AGPAT3: variants seen among roughly 807,000 people sequenced by gnomAD.
AGPAT3 encodes the protein 1-acyl-sn-glycerol-3-phosphate acyltransferase gamma.
In AGPAT3, 5 loss-of-function variants were observed where a neutral mutation model predicts 47.3. The observed-to-expected ratio is 0.11, with a 90% CI of 0.06 to 0.22. The LOEUF is 0.22. Ranked by LOEUF, AGPAT3 falls within the 10% of genes least tolerant of loss-of-function variation. The pLI, the probability that AGPAT3 is intolerant of heterozygous loss-of-function variation, is 1.00. For missense variants in AGPAT3, 315 were observed against 493.0 expected (o/e 0.64, Z 3.42); for synonymous variants, 212 against 208.3 (o/e 1.02, Z -0.15).
At chr21:43,923,265 C>T (rs2086948975) in intron 2 of AGPAT3, among the ~76,000 whole-genome samples, 1 of 152,162 alleles carries the variant, frequency 6.6e-6, no homozygotes, top group East Asian at 1.9e-4. Context: ...CTCCATGTAC[C>T]TCCAGATTCA....
intron 1 of AGPAT3, among the ~76,000 whole-genome samples, chr21:43,870,219 C>T (rs560236164): frequency 7.9e-5 from 12 of 152,248 alleles, no homozygotes; most frequent in Admixed American, 2.6e-4. Flanking sequence ...TGCACTACAG[C>T]GATCAGGACA....
At chr21:43,888,332 A>G (rs1179922674) in intron 1 of AGPAT3, among the ~76,000 whole-genome samples, 6 of 152,256 alleles carry the variant, frequency 3.9e-5, no homozygotes, top group African/African-American at 1.4e-4. Flanking sequence ...GCATCACTGC[A>G]CCCAGCTTGG....
Position 43,959,617 on chromosome 21 carries a change from T to G in AGPAT3, c.-48-17T>G, listed in dbSNP as rs760307047. The G allele has an allele frequency of 2.5e-6, 4 of 1,601,142 alleles. No homozygotes were observed. Among genetic ancestry groups the G allele is most frequent in the Non-Finnish European group, 3.4e-6 (4 of 1,178,408 alleles). On this transcript the variant is annotated splice_polypyrimidine_tract_variant and intron_variant, in intron 2 of 9. Transcript: ENST00000291572. Reference sequence around the variant, plus strand: ...GGCGTGGCCACCCTGACGCTGTCCCTGTCCCTGTCTTTGCAGGACGGCTGT... The same window carrying G: ...GGCGTGGCCACCCTGACGCTGTCCCGGTCCCTGTCTTTGCAGGACGGCTGT...
In AGPAT3 at chr21:43,887,341, G is replaced by A. The variant is rs73906663; in HGVS notation, c.-111-16616G>A. On this transcript the variant is annotated intron_variant, in intron 1 of 9. Coordinates refer to ENST00000291572, the MANE Select transcript of AGPAT3 (RefSeq NM_020132.5). ...CAACCAAATGCAGCCTAGGAACCTG[G>A]ATTAGAGTCCAGGTTGAAACAGCAA... Among the ~76,000 whole-genome samples the A allele has an allele frequency of 4.2e-3, 641 of 152,338 alleles. 5 individuals carry two copies. The highest frequency in any genetic ancestry group is 0.015 in the African/African-American group (617 of 41,574).
At chr21:43,957,711 A>G (rs1375555481) in intron 2 of AGPAT3, among the ~76,000 whole-genome samples, 2 of 137,738 alleles carry the variant, frequency 1.5e-5, no homozygotes, top group Non-Finnish European at 3.1e-5. Context: ...TTCCCCCTCC[A>G]CACGGGGGTC....
intron 7 of AGPAT3, among the ~76,000 whole-genome samples, chr21:43,974,669 G>T (rs116634969): frequency 0.015 from 2,270 of 151,920 alleles, 57 homozygotes; most frequent in African/African-American, 0.047. Context: ...AAATGTGTGT[G>T]TGGTGTGTGT....
intron 2 of AGPAT3, among the ~76,000 whole-genome samples, chr21:43,911,413 G>T (rs2086630522): frequency 6.6e-6 from 1 of 152,252 alleles, no homozygotes; most frequent in Non-Finnish European, 1.5e-5. Context: ...GAGGGGCTGG[G>T]CAGGGTCAGA....
chr21:43,935,398 C>T (rs2146314358), intron 2 of AGPAT3, among the ~76,000 whole-genome samples: 1 of 152,338 alleles, frequency 6.6e-6, no homozygotes, highest in Non-Finnish European at 1.5e-5. Flanking sequence ...TGGGAGTGCC[C>T]CCAGGCGCCT....
intron 4 of AGPAT3, 21 bp downstream of exon 4, chr21:43,968,136 G>A: frequency 1.2e-6 from 2 of 1,610,840 alleles, no homozygotes; most frequent in Non-Finnish European, 1.7e-6. Context: ...ACCTGGGGAG[G>A]GCCACGGGTG....
At position 43,984,959 on chromosome 21, in the gene AGPAT3, G is replaced by T. The variant is rs2030107572; in HGVS notation, c.*2567G>T. 2.7e-6 allele frequency: 1 copy of T among 376,266 alleles called. No individual in the cohort carries two copies. The highest frequency in any genetic ancestry group is 5.3e-6 in the Non-Finnish European group (1 of 188,948). 23.3% of individuals were successfully genotyped at this position (376,266 alleles called of 1,614,324 possible). On this transcript the variant is annotated 3_prime_UTR_variant, in exon 10 of 10. Transcript: ENST00000291572. ...AGGCCTGGCATCGCTGATGCCCTCTGCACCCAGTCCTTGAGCCAGGCCGAG... is the reference window on the plus strand; with the variant it reads ...AGGCCTGGCATCGCTGATGCCCTCTTCACCCAGTCCTTGAGCCAGGCCGAG...
rs2089866138 is a variant in AGPAT3, at chr21:43,981,894, ACTTGAGGC to A, written c.1043-408_1043-401del. Among the ~76,000 whole-genome samples the A allele has an allele frequency of 6.6e-6, 1 of 152,136 alleles. No homozygotes were observed. The highest frequency in any genetic ancestry group is 1.5e-5 in the Non-Finnish European group (1 of 68,008). Reference sequence around the variant, plus strand: ...GCCTCTCCCATTGGACTACGAGATGACTTGAGGCCACCCACAGAGGACAGGATGTGACC... The same window carrying A: ...GCCTCTCCCATTGGACTACGAGATGACACCCACAGAGGACAGGATGTGACC... On this transcript the variant is annotated intron_variant, in intron 9 of 9. Coordinates refer to ENST00000291572, the MANE Select transcript of AGPAT3 (RefSeq NM_020132.5). The surrounding 1 kb of genome is among the most constrained non-coding windows in gnomAD (Gnocchi z 5.3).
intron 2 of AGPAT3, among the ~76,000 whole-genome samples, chr21:43,943,366 G>A (rs1298027086): frequency 6.6e-6 from 1 of 152,052 alleles, no homozygotes; most frequent in Non-Finnish European, 1.5e-5. Context: ...GAGCCACTGC[G>A]CCCACCCGGG....
intron 2 of AGPAT3, among the ~76,000 whole-genome samples, chr21:43,924,171 G>T (rs143039618): frequency 1.4e-5 from 2 of 145,922 alleles, no homozygotes; most frequent in Non-Finnish European, 3.0e-5. Context: ...CCGCCAGCAC[G>T]CCTGCCTAAT....
At position 43,952,672 on chromosome 21, in the gene AGPAT3, G is replaced by A. The variant is rs1045206641; in HGVS notation, c.-48-6962G>A. Among the ~76,000 whole-genome samples, 2 of 152,088 alleles carry A rather than the reference G, an allele frequency of 1.3e-5. No individual in the cohort carries two copies. The highest frequency in any genetic ancestry group is 2.4e-5 in the African/African-American group (1 of 41,424). ...TAAATCTGTTGTTTAATGAAGACGC[G>A]CTGGCACCAAGCTTCTGGGCGACCT... On this transcript the variant is annotated intron_variant, in intron 2 of 9. Transcript: ENST00000291572. The surrounding 1 kb of genome is among the most constrained non-coding windows in gnomAD (Gnocchi z 5.6).
rs138395723 is a variant in AGPAT3, at chr21:43,914,205, C to T, written c.-49+10186C>T. 1.0e-3 allele frequency among the ~76,000 whole-genome samples: 154 copies of T among 152,338 alleles called. 1 individual carries two copies. Among genetic ancestry groups the T allele is most frequent in the African/African-American group, 3.6e-3 (148 of 41,584 alleles). On this transcript the variant is annotated intron_variant, in intron 2 of 9. Transcript: ENST00000291572. ...GTTGGAACCCCCCTGCCTGCGAGGC[C>T]TGGGGCCCCCTGGGGTCCTTACGCC...
rs1358381110 is a variant in AGPAT3 at position 43,982,829 on chromosome 21, G to A, written c.*437G>A. 3.6e-5 allele frequency: 6 copies of A among 166,350 alleles called. No homozygotes were observed. In the South Asian group the frequency reaches 6.1e-4, roughly 17 times the overall value. 10.3% of individuals were successfully genotyped at this position (166,350 alleles called of 1,614,324 possible). ...TAATGAATTTCTGCTGTCCTCCTGG[G>A]AGTGGACGGCCGGGTCCCGTCCCCC... On this transcript the variant is annotated 3_prime_UTR_variant, in exon 10 of 10. Transcript: ENST00000291572. This position sits in a 1 kb window ranked among gnomAD's most constrained non-coding sequence, Gnocchi z 6.2.
In AGPAT3 at chr21:43,935,385, A is replaced by G. The variant is rs1028243936; in HGVS notation, c.-48-24249A>G. Among the ~76,000 whole-genome samples the G allele has an allele frequency of 1.3e-4, 20 of 152,354 alleles. No homozygotes were observed. The South Asian group carries it at 2.5e-3, about 19-fold the overall frequency. On this transcript the variant is annotated intron_variant, in intron 2 of 9. Coordinates refer to ENST00000291572, the MANE Select transcript of AGPAT3 (RefSeq NM_020132.5). ...CCGGGGAGGCTGAGCCGGGGTCCCCAGCTGGGAGTGCCCCCAGGCGCCTGG... is the reference window on the plus strand; with the variant it reads ...CCGGGGAGGCTGAGCCGGGGTCCCCGGCTGGGAGTGCCCCCAGGCGCCTGG...
At chr21:43,888,820 C>T (rs148842944) in intron 1 of AGPAT3, among the ~76,000 whole-genome samples, 88 of 152,248 alleles carry the variant, frequency 5.8e-4, no homozygotes, top group African/African-American at 2.0e-3. Context: ...GAAACCCCAT[C>T]TCTACTGAAA....
At chr21:43,960,602 G>A (rs146123160) in intron 3 of AGPAT3, 211 of 220,700 alleles carry the variant, frequency 9.6e-4, no homozygotes, top group African/African-American at 4.7e-3. Context: ...TTTTATCACA[G>A]GTATTCTCAT....
Sources: allele counts gnomAD v4.1 joint callset (sites outside exome capture counted in the v4.1 genomes callset), GRCh38; gene constraint gnomAD v4.1.1; non-coding constraint Gnocchi (gnomAD v3.1); transcripts MANE v1.5; gene names NCBI Gene and HGNC (gene_info 2026-07-23, HGNC 2026-07-21).